Variants in TNRC18 observed in about 807,000 individuals in gnomAD.
TNRC18 encodes the protein trinucleotide repeat containing 18.
TNRC18 carries 69 observed loss-of-function variants against 226.7 expected under a neutral mutation model. The ratio of observed to expected loss-of-function variants is 0.30; its 90% CI spans 0.25 to 0.37. TNRC18 has a LOEUF of 0.37. TNRC18 is among the 10% of genes least tolerant of loss of function. TNRC18 has a pLI of 1.00. For missense variants in TNRC18, 4,754 were observed against 4,256.6 expected, an observed-to-expected ratio of 1.12 and a Z score of -3.25; for synonymous variants, 2,449 against 1,927.6, an observed-to-expected ratio of 1.27 and a Z score of -7.09.
chr7:5,312,469 C>T lies in TNRC18; in HGVS notation c.8388+34G>A, dbSNP rs768909980. 9 of 1,601,066 alleles carry T rather than the reference C, an allele frequency of 5.6e-6. No homozygotes were observed. The highest frequency in any genetic ancestry group is 1.7e-5 in the Admixed American group (1 of 58,460). On this transcript the variant is annotated intron_variant, in intron 27 of 29. Transcript: ENST00000430969. This position sits in a 1 kb window ranked among gnomAD's most constrained non-coding sequence, Gnocchi z 6.3. Reference sequence around the variant, plus strand: ...CAGCAGAGAGACACAAGGCCCCCGGCCCCTCGGCCGTGCCCGGGCGCGAGC... The same window carrying T: ...CAGCAGAGAGACACAAGGCCCCCGGTCCCTCGGCCGTGCCCGGGCGCGAGC...
chr7:5,396,596 C>T (rs540965643), intron 2 of TNRC18, among the ~76,000 whole-genome samples: 29 of 152,264 alleles, frequency 1.9e-4, no homozygotes, highest in South Asian at 4.1e-4. Flanking sequence ...CACCAGGCAC[C>T]GTGCAGCTGA....
intron 18 of TNRC18, among the ~76,000 whole-genome samples, chr7:5,337,847 G>T (rs531854359): frequency 6.6e-6 from 1 of 152,188 alleles, no homozygotes; most frequent in East Asian, 1.9e-4. Flanking sequence ...GCCAGGCGAG[G>T]TGGGAGGTGC....
rs117390916 is a variant in TNRC18, at chr7:5,356,622, G to A, written c.5194+294C>T. 5.3e-3 allele frequency among the ~76,000 whole-genome samples: 813 copies of A among 152,348 alleles called. 5 individuals are homozygous for A. Among genetic ancestry groups the A allele is most frequent in the Non-Finnish European group, 8.7e-3 (593 of 68,032 alleles). ...CATCCGGTAGGCAAATGGCGGGCGG[G>A]CAAGACAGGGCCGGCGGAGGTCGGC... On this transcript the variant is annotated intron_variant, in intron 16 of 29. Coordinates refer to ENST00000430969, the MANE Select transcript of TNRC18 (RefSeq NM_001080495.3).
intron 15 of TNRC18, among the ~76,000 whole-genome samples, chr7:5,358,407 G>A (rs78662579): frequency 0.097 from 14,741 of 152,196 alleles, 825 homozygotes; most frequent in South Asian, 0.13. Flanking sequence ...TAAAACAAAA[G>A]CATCCCTCAC....
At chr7:5,347,079 A>C (rs1332376742) in intron 17 of TNRC18, among the ~76,000 whole-genome samples, 1 of 151,066 alleles carries the variant, frequency 6.6e-6, no homozygotes, top group Non-Finnish European at 1.5e-5. Context: ...AAGGTGGCTC[A>C]CTCCTGTAAT....
rs890441738 is a variant in TNRC18, at chr7:5,387,936, C to A, written c.1888G>T (p.Ala630Ser). ...KPEPAPTSAG[A>S]SRAQARLPHS... ...GGGAGACGGGCCTGGGCTCGGGAGGCACCCGCAGAGGTGGGCGCAGGCTCG... is the reference window on the plus strand; with the variant it reads ...GGGAGACGGGCCTGGGCTCGGGAGGAACCCGCAGAGGTGGGCGCAGGCTCG... Residue 630 changes from alanine to serine, a missense_variant, in exon 5 of 30, where the codon GCC becomes TCC. Coordinates refer to ENST00000430969, the MANE Select transcript of TNRC18 (RefSeq NM_001080495.3). The A allele has an allele frequency of 8.1e-6, 13 of 1,597,202 alleles. No homozygotes were observed. The highest frequency in any genetic ancestry group is 1.1e-5 in the Non-Finnish European group (13 of 1,173,126).
intron 9 of TNRC18, among the ~76,000 whole-genome samples, 196 bp downstream of exon 9, chr7:5,375,838 G>A (rs779834445): frequency 2.6e-5 from 4 of 152,070 alleles, no homozygotes; most frequent in Non-Finnish European, 5.9e-5. Context: ...AGCTCCCTCC[G>A]CCTGGAGAAC....
chr7:5,323,246 G>C (rs994524184), intron 21 of TNRC18, among the ~76,000 whole-genome samples: 1 of 152,024 alleles, frequency 6.6e-6, no homozygotes, highest in African/African-American at 2.4e-5. Context: ...ACAGACCCCT[G>C]GGTCCCAGCC....
At chr7:5,420,879 C>T in intron 2 of TNRC18, 181 bp downstream of exon 2, 1 of 780,848 alleles carries the variant, frequency 1.3e-6, no homozygotes, top group Middle Eastern at 2.2e-4. Context: ...CCGCGCGACA[C>T]TCTCCACCGC....
chr7:5,388,574 G>C lies in TNRC18; in HGVS notation c.1250C>G (p.Pro417Arg). The change falls in exon 5 of 30, where the codon CCG becomes CGG. Residue 417 changes from proline to arginine, a missense_variant. Coordinates refer to ENST00000430969, the MANE Select transcript of TNRC18 (RefSeq NM_001080495.3). ...PGVLQAPPGS[P>R]RPLDRPEGLR... ...GCCCTCGGGCCGGTCCAGAGGCCGC[G>C]GGGAGCCGGGGGGCGCCTGCAGGAC... The C allele has an allele frequency of 7.7e-7, 1 of 1,300,152 alleles. No individual in the cohort carries two copies. The highest frequency in any genetic ancestry group is 1.9e-5 in the South Asian group (1 of 53,686). The allele number at this position is 1,300,152 out of a possible 1,614,324, so 80.5% of individuals were successfully genotyped here. A position where few individuals can be genotyped will look rare whatever the true frequency, so the allele number is the denominator to read the frequency against.
chr7:5,419,371 A>T (rs1782394037), intron 2 of TNRC18, among the ~76,000 whole-genome samples: 2 of 152,314 alleles, frequency 1.3e-5, no homozygotes, highest in South Asian at 4.1e-4. Context: ...AGGCCCAGCC[A>T]GCCAGAGAGA....
chr7:5,379,459 G>T (rs1400984183), intron 5 of TNRC18, among the ~76,000 whole-genome samples: 2 of 152,144 alleles, frequency 1.3e-5, no homozygotes, highest in Non-Finnish European at 2.9e-5. Context: ...CACTTGGGTG[G>T]AGGGGGTGGC....
At chr7:5,372,952 C>T (rs980304027) in intron 10 of TNRC18, among the ~76,000 whole-genome samples, 3 of 151,954 alleles carry the variant, frequency 2.0e-5, no homozygotes, top group Non-Finnish European at 4.4e-5. Flanking sequence ...TGAGGTTGGG[C>T]GTTCGAGACC....
chr7:5,404,003 CAG>C (rs1781292357), intron 2 of TNRC18, among the ~76,000 whole-genome samples: 1 of 152,192 alleles, frequency 6.6e-6, no homozygotes, highest in Non-Finnish European at 1.5e-5. Context: ...TCACAAGATC[CAG>C]AGAGTTCTGT....
At chr7:5,381,253 A>G (rs985471051) in intron 5 of TNRC18, among the ~76,000 whole-genome samples, 1 of 151,462 alleles carries the variant, frequency 6.6e-6, no homozygotes, top group East Asian at 1.9e-4. Flanking sequence ...CCCCTCCTCT[A>G]CCCTCCTCAC....
At position 5,389,082 on chromosome 7, in the gene TNRC18, C is replaced by T. The variant is rs1466874081; in HGVS notation, c.742G>A (p.Glu248Lys). The T allele has an allele frequency of 2.3e-6, 3 of 1,279,812 alleles. No individual in the cohort carries two copies. The highest frequency in any genetic ancestry group is 2.0e-5 in the South Asian group (1 of 51,058). 79.3% of individuals were successfully genotyped at this position (1,279,812 alleles called of 1,614,324 possible). Residue 248 changes from glutamate to lysine, a missense_variant, in exon 5 of 30, where the codon GAG becomes AAG. Coordinates refer to ENST00000430969, the MANE Select transcript of TNRC18 (RefSeq NM_001080495.3). Reference sequence around the variant, plus strand: ...GGGGGCCCCCGGTCCTGGCGGCCCTCGGCGCGCGCCTCCTGGGTCAGGTCC... The same window carrying T: ...GGGGGCCCCCGGTCCTGGCGGCCCTTGGCGCGCGCCTCCTGGGTCAGGTCC... ...VVDLTQEARAEGRQDRGPPRL... is the reference protein window; with the variant it reads ...VVDLTQEARAKGRQDRGPPRL...
At position 5,332,827 on chromosome 7, in the gene TNRC18, C is replaced by T. The variant is rs1198313645; in HGVS notation, c.5942G>A (p.Gly1981Asp). The change falls in exon 19 of 30, where the codon GGC (glycine) becomes GAC (aspartate). Residue 1981 changes from glycine to aspartate, a missense_variant. Transcript: ENST00000430969. ...ARKLRGPKEPGFEAGPEASDD... is the reference protein window; with the variant it reads ...ARKLRGPKEPDFEAGPEASDD... ...GCTGGCCTCGGGCCCCGCCTCGAAG[C>T]CAGGCTCCTTGGGGCCCCGCAGCTT... 2 of 1,508,826 alleles carry T rather than the reference C, an allele frequency of 1.3e-6. No homozygotes were observed. 93.5% of individuals were successfully genotyped at this position (1,508,826 alleles called of 1,614,324 possible).
intron 11 of TNRC18, among the ~76,000 whole-genome samples, chr7:5,364,868 G>C (rs1167256223): frequency 6.7e-6 from 1 of 148,378 alleles, no homozygotes; most frequent in South Asian, 2.1e-4. Context: ...CTTTTTTTCT[G>C]CTTAATGTCT....
At chr7:5,365,307 C>T (rs552389918) in intron 11 of TNRC18, among the ~76,000 whole-genome samples, 1 of 152,208 alleles carries the variant, frequency 6.6e-6, no homozygotes, top group East Asian at 1.9e-4. Context: ...GAGATGGGGT[C>T]TTGCTATGTT....
Sources: allele counts gnomAD v4.1 joint callset (sites outside exome capture counted in the v4.1 genomes callset), GRCh38; gene constraint gnomAD v4.1.1; non-coding constraint Gnocchi (gnomAD v3.1); transcripts MANE v1.5; gene names NCBI Gene and HGNC (gene_info 2026-07-23, HGNC 2026-07-21).